PCDHB6: variants seen among roughly 807,000 people sequenced by gnomAD.
PCDHB6 encodes the protein protocadherin beta 6.
For synonymous variants in PCDHB6, 506 were observed against 459.0 expected, an observed-to-expected ratio of 1.10 and a Z score of -1.31; for missense variants, 1,137 against 1,010.1, an observed-to-expected ratio of 1.13 and a Z score of -1.70.
Position 141,151,025 on chromosome 5 carries a change from C to T in PCDHB6, c.768C>T (p.Leu256=). The part of the protein sequence containing the change: ...YEAQVPENNP[L]GSLVITVSAR... ...CACAAGTCCCTGAGAACAACCCCCT[C>T]GGCTCTCTGGTTATTACCGTCTCAG... Residue 256 remains leucine (L), a synonymous_variant, in exon 1 of 1, where the codon CTC becomes CTT. Transcript: ENST00000231136. The T allele has an allele frequency of 6.2e-7, 1 of 1,614,192 alleles. No individual in the cohort carries two copies. The highest frequency in any genetic ancestry group is 2.2e-5 in the East Asian group (1 of 44,884).
Position 141,151,699 on chromosome 5 carries a change from A to G in PCDHB6, c.1442A>G (p.Asn481Ser), listed in dbSNP as rs782440656. Residue 481 changes from asparagine (N) to serine (S), a missense_variant, in exon 1 of 1, where the codon AAC becomes AGC. Transcript: ENST00000231136. ...VSATDRDSGI[N>S]AQVTYSLLPP... is the part of the protein sequence containing the mutation. ...GCCACAGACAGAGACTCAGGCATCA[A>G]CGCCCAGGTCACCTACTCGCTGCTG... 2 of 1,613,140 alleles carry G rather than the reference A, an allele frequency of 1.2e-6. No homozygotes were observed. The highest frequency in any genetic ancestry group is 1.7e-6 in the Non-Finnish European group (2 of 1,180,012).
In PCDHB6 at chr5:141,150,094, T is replaced by A. The variant is rs1290657368; in HGVS notation, c.-164T>A. On this transcript the variant is annotated 5_prime_UTR_variant, in exon 1 of 1. Transcript: ENST00000231136. Reference sequence around the variant, plus strand: ...AGCCAAGTAAAAATACAGACCACGTTTACAGCTAAAGCTGAGATAGATGTG... The same window carrying A: ...AGCCAAGTAAAAATACAGACCACGTATACAGCTAAAGCTGAGATAGATGTG... The A allele has an allele frequency of 1.7e-6, 1 of 603,122 alleles. No homozygotes were observed. The highest frequency in any genetic ancestry group is 2.9e-6 in the Non-Finnish European group (1 of 346,252). 37.4% of individuals were successfully genotyped at this position (603,122 alleles called of 1,614,324 possible). A position where few individuals can be genotyped will look rare whatever the true frequency, so the allele number is the denominator to read the frequency against.
Position 141,150,887 on chromosome 5 carries a change from G to T in PCDHB6, c.630G>T (p.Thr210=), listed in dbSNP as rs374432994. 6.2e-7 allele frequency: 1 copy of T among 1,614,192 alleles called. No individual in the cohort carries two copies. Among genetic ancestry groups the T allele is most frequent in the Non-Finnish European group, 8.5e-7 (1 of 1,180,042 alleles). Residue 210 remains threonine (T), a synonymous_variant, in exon 1 of 1, where the codon ACG becomes ACT. Coordinates refer to ENST00000231136, the MANE Select transcript of PCDHB6 (RefSeq NM_018939.4). ...DREEQPQLRL[T]LIALDGGSPP... is the part of the protein sequence containing the mutation. ...AGGAGCAGCCCCAACTCAGGCTAAC[G>T]CTGATCGCGCTGGATGGCGGGTCTC...
Position 141,152,903 on chromosome 5 carries a change from C to CG in PCDHB6, c.*261_*262insG, listed in dbSNP as rs1563895391. Reference sequence around the variant, plus strand: ...AAATTAAATTATCTATTCTTCCCCCCCCCAAAAAAAAGTATTGTAAATCCT... The same window carrying CG: ...AAATTAAATTATCTATTCTTCCCCCCGCCCAAAAAAAAGTATTGTAAATCCT... On this transcript the variant is annotated 3_prime_UTR_variant, in exon 1 of 1. Coordinates refer to ENST00000231136, the MANE Select transcript of PCDHB6 (RefSeq NM_018939.4). The CG allele has an allele frequency of 4.1e-6, 1 of 243,724 alleles. No individual in the cohort carries two copies. Among genetic ancestry groups the CG allele is most frequent in the Non-Finnish European group, 8.2e-6 (1 of 122,008 alleles). The allele number at this position is 243,724 out of a possible 1,614,324, so 15.1% of individuals were successfully genotyped here.
At position 141,150,475 on chromosome 5, in the gene PCDHB6, A is replaced by G. The variant is rs1554277418; in HGVS notation, c.218A>G (p.His73Arg). 6.2e-7 allele frequency: 1 copy of G among 1,614,128 alleles called. No homozygotes were observed. Among genetic ancestry groups the G allele is most frequent in the African/African-American group, 1.3e-5 (1 of 75,042 alleles). Reference protein sequence around the residue: ...ARVVFKGNRQHLQFDPQTHDL... With the variant: ...ARVVFKGNRQRLQFDPQTHDL... ...GTTGTTTTCAAAGGGAACAGACAAC[A>G]TTTGCAGTTTGATCCACAGACCCAT... Residue 73 changes from histidine (H) to arginine (R), a missense_variant, in exon 1 of 1, where the codon CAT becomes CGT. His to Arg is a conservative substitution (Grantham distance 29). Coordinates refer to ENST00000231136, the MANE Select transcript of PCDHB6 (RefSeq NM_018939.4).
Position 141,152,112 on chromosome 5 carries a change from A to C in PCDHB6, c.1855A>C (p.Asn619His). The change falls in exon 1 of 1, where the codon AAT becomes CAT. Residue 619 changes from asparagine (N) to histidine (H), a missense_variant. Transcript: ENST00000231136. Reference sequence around the variant, plus strand: ...CGGTCTGTTCGGCGTGTGGGCGCACAATGGCGAGGTGCGCACCGCCAGGCT... The same window carrying C: ...CGGTCTGTTCGGCGTGTGGGCGCACCATGGCGAGGTGCGCACCGCCAGGCT... ...ELGLFGVWAH[N>H]GEVRTARLLS... 6.2e-7 allele frequency: 1 copy of C among 1,607,076 alleles called. No individual in the cohort carries two copies. The highest frequency in any genetic ancestry group is 2.2e-5 in the East Asian group (1 of 44,836).
Position 141,152,233 on chromosome 5 carries a change from T to C in PCDHB6, c.1976T>C (p.Leu659Pro), listed in dbSNP as rs781981564. 1 of 1,607,292 alleles carries C rather than the reference T, an allele frequency of 6.2e-7. No individual in the cohort carries two copies. The highest frequency in any genetic ancestry group is 1.1e-5 in the South Asian group (1 of 90,980). ...TCGGCCACCGCCACGCTGCACGTGC[T>C]CCTGGTGGACGGCTTCTCCCAGCCC... ...PRSATATLHVLLVDGFSQPYL... is the reference protein window; with the variant it reads ...PRSATATLHVPLVDGFSQPYL... The change falls in exon 1 of 1, where the codon CTC (leucine) becomes CCC (proline). Residue 659 changes from leucine (L) to proline (P), a missense_variant. Physicochemically the swap from Leu to Pro is moderately conservative, Grantham distance 98. Coordinates refer to ENST00000231136, the MANE Select transcript of PCDHB6 (RefSeq NM_018939.4).
Position 141,152,286 on chromosome 5 carries a change from G to A in PCDHB6, c.2029G>A (p.Ala677Thr). The part of the protein sequence containing the change: ...PYLPLPEAAP[A>T]QAQADSLTVY... ...CCTGCCTCTCCCTGAGGCGGCCCCG[G>A]CCCAAGCCCAGGCCGACTCTCTCAC... The change falls in exon 1 of 1, where the codon GCC becomes ACC. Residue 677 changes from alanine to threonine, a missense_variant. Ala to Thr is a moderately conservative substitution (Grantham distance 58, BLOSUM62 0). Transcript: ENST00000231136. The A allele has an allele frequency of 6.2e-7, 1 of 1,608,374 alleles. No individual in the cohort carries two copies. Among genetic ancestry groups the A allele is most frequent in the Non-Finnish European group, 8.5e-7 (1 of 1,179,806 alleles).
Position 141,151,284 on chromosome 5 carries a change from C to T in PCDHB6, c.1027C>T (p.Pro343Ser), listed in dbSNP as rs577177839. Residue 343 changes from proline to serine, a missense_variant, in exon 1 of 1, where the codon CCT (proline) becomes TCT (serine). Pro to Ser is a moderately conservative substitution (Grantham distance 74, BLOSUM62 -1). Coordinates refer to ENST00000231136, the MANE Select transcript of PCDHB6 (RefSeq NM_018939.4). ...VRVLDVNDNA[P>S]ELTMSFFISL... Reference sequence around the variant, plus strand: ...GGTCCTGGACGTGAATGACAATGCCCCTGAACTCACCATGTCGTTCTTCAT... The same window carrying T: ...GGTCCTGGACGTGAATGACAATGCCTCTGAACTCACCATGTCGTTCTTCAT... 2.5e-4 allele frequency: 405 copies of T among 1,614,098 alleles called. 2 individuals carry two copies. The South Asian group carries it at 4.1e-3, about 16-fold the overall frequency.
Position 141,152,788 on chromosome 5 carries a change from G to C in PCDHB6, c.*146G>C, listed in dbSNP as rs782485280. 7 of 691,552 alleles carry C rather than the reference G, an allele frequency of 1.0e-5. No individual in the cohort carries two copies. The highest frequency in any genetic ancestry group is 1.6e-5 in the Non-Finnish European group (7 of 438,668). 42.8% of individuals were successfully genotyped at this position (691,552 alleles called of 1,614,324 possible). A position where few individuals can be genotyped will look rare whatever the true frequency, so the allele number is the denominator to read the frequency against. On this transcript the variant is annotated 3_prime_UTR_variant, in exon 1 of 1. Transcript: ENST00000231136. ...AGATACTGGTATCTTAGTATTTCCTGTTCATGCTTAGTAGTTTATTACTTC... is the reference window on the plus strand; with the variant it reads ...AGATACTGGTATCTTAGTATTTCCTCTTCATGCTTAGTAGTTTATTACTTC...
chr5:141,152,512 G>A lies in PCDHB6; in HGVS notation c.2255G>A (p.Cys752Tyr). 6.2e-7 allele frequency: 1 copy of A among 1,614,128 alleles called. No homozygotes were observed. Among genetic ancestry groups the A allele is most frequent in the Non-Finnish European group, 8.5e-7 (1 of 1,180,042 alleles). The change falls in exon 1 of 1, where the codon TGT becomes TAT. Residue 752 changes from cysteine (C) to tyrosine (Y), a missense_variant. Coordinates refer to ENST00000231136, the MANE Select transcript of PCDHB6 (RefSeq NM_018939.4). ...TLSQSYQYKV[C>Y]LTGGSETNEF... Reference sequence around the variant, plus strand: ...TCCCAGAGCTACCAGTACAAGGTGTGTCTGACGGGAGGCTCAGAAACAAAT... The same window carrying A: ...TCCCAGAGCTACCAGTACAAGGTGTATCTGACGGGAGGCTCAGAAACAAAT...
In PCDHB6 at chr5:141,151,724, G is replaced by C; in HGVS notation, c.1467G>C (p.Leu489=). The C allele has an allele frequency of 6.2e-7, 1 of 1,613,142 alleles. No homozygotes were observed. Among genetic ancestry groups the C allele is most frequent in the Non-Finnish European group, 8.5e-7 (1 of 1,180,046 alleles). The stretch of plus-strand genomic sequence containing the variant: ...ACGCCCAGGTCACCTACTCGCTGCT[G>C]CCGCCCCAGGACCCGCACCTGCCCC... ...GINAQVTYSL[L]PPQDPHLPLS... The change falls in exon 1 of 1, where the codon CTG becomes CTC. Residue 489 remains leucine (L), a synonymous_variant. Coordinates refer to ENST00000231136, the MANE Select transcript of PCDHB6 (RefSeq NM_018939.4).
rs782287939 is a variant in PCDHB6 at position 141,150,273 on chromosome 5, G to A, written c.16G>A (p.Val6Ile). 10 of 1,612,166 alleles carry A rather than the reference G, an allele frequency of 6.2e-6. No individual in the cohort carries two copies. Among genetic ancestry groups the A allele is most frequent in the African/African-American group, 1.3e-5 (1 of 74,932 alleles). The change falls in exon 1 of 1, where the codon GTA becomes ATA. Residue 6 changes from valine (V) to isoleucine (I), a missense_variant. Transcript: ENST00000231136. ...CATAATAGACATGATGCAAACTAAA[G>A]TACAGAACAAGAAAAGGCAAGTGGC... MMQTK[V>I]QNKKRQVAFF...
Position 141,152,203 on chromosome 5 carries a change from C to T in PCDHB6, c.1946C>T (p.Pro649Leu). Residue 649 changes from proline to leucine, a missense_variant, in exon 1 of 1, where the codon CCG becomes CTG. By Grantham distance (98) the Pro-to-Leu change is moderately conservative. Coordinates refer to ENST00000231136, the MANE Select transcript of PCDHB6 (RefSeq NM_018939.4). ...VVLVKDNGEPPRSATATLHVL... is the reference protein window; with the variant it reads ...VVLVKDNGEPLRSATATLHVL... Reference sequence around the variant, plus strand: ...CTTGTCAAGGACAATGGCGAGCCTCCGCGCTCGGCCACCGCCACGCTGCAC... The same window carrying T: ...CTTGTCAAGGACAATGGCGAGCCTCTGCGCTCGGCCACCGCCACGCTGCAC... 1 of 1,606,924 alleles carries T rather than the reference C, an allele frequency of 6.2e-7. No individual in the cohort carries two copies. Among genetic ancestry groups the T allele is most frequent in the Non-Finnish European group, 8.5e-7 (1 of 1,179,722 alleles).
rs781795141 is a variant in PCDHB6 at position 141,151,312 on chromosome 5, G to A, written c.1055G>A (p.Ser352Asn). ...APELTMSFFI[S>N]LIPENLPEIT... ...GAACTCACCATGTCGTTCTTCATCAGCCTCATCCCAGAAAACTTACCAGAG... is the reference window on the plus strand; with the variant it reads ...GAACTCACCATGTCGTTCTTCATCAACCTCATCCCAGAAAACTTACCAGAG... The change falls in exon 1 of 1, where the codon AGC (serine) becomes AAC (asparagine). Residue 352 changes from serine to asparagine, a missense_variant. Coordinates refer to ENST00000231136, the MANE Select transcript of PCDHB6 (RefSeq NM_018939.4). 1.2e-6 allele frequency: 2 copies of A among 1,613,990 alleles called. No homozygotes were observed. The highest frequency in any genetic ancestry group is 2.7e-5 in the African/African-American group (2 of 74,906).
At position 141,152,350 on chromosome 5, in the gene PCDHB6, T is replaced by C; in HGVS notation, c.2093T>C (p.Leu698Pro). The change falls in exon 1 of 1, where the codon CTC (leucine) becomes CCC (proline). Residue 698 changes from leucine (L) to proline (P), a missense_variant. Transcript: ENST00000231136. Reference protein sequence around the residue: ...LVVALASVSSLFLFSVLLFVA... With the variant: ...LVVALASVSSPFLFSVLLFVA... ...GTGGCGTTGGCCTCGGTGTCGTCGC[T>C]CTTCCTCTTTTCGGTGCTCCTGTTC... 1 of 1,610,414 alleles carries C rather than the reference T, an allele frequency of 6.2e-7. No individual in the cohort carries two copies. The highest frequency in any genetic ancestry group is 1.1e-5 in the South Asian group (1 of 91,018).
chr5:141,153,264 T>C lies in PCDHB6; in HGVS notation c.*622T>C, dbSNP rs1752933417. The C allele has an allele frequency of 6.1e-6, 1 of 164,900 alleles. No individual in the cohort carries two copies. Among genetic ancestry groups the C allele is most frequent in the Non-Finnish European group, 1.5e-5 (1 of 68,106 alleles). 10.2% of individuals were successfully genotyped at this position (164,900 alleles called of 1,614,324 possible). On this transcript the variant is annotated 3_prime_UTR_variant, in exon 1 of 1. Transcript: ENST00000231136. ...AGTCGTGCCAATTATAAGTGCTTAATAAATATTTGCTGAATGTTACTAACA... is the reference window on the plus strand; with the variant it reads ...AGTCGTGCCAATTATAAGTGCTTAACAAATATTTGCTGAATGTTACTAACA...
At position 141,151,572 on chromosome 5, in the gene PCDHB6, G is replaced by C; in HGVS notation, c.1315G>C (p.Val439Leu). The change falls in exon 1 of 1, where the codon GTC (valine) becomes CTC (leucine). Residue 439 changes from valine to leucine, a missense_variant. Val to Leu is a conservative substitution (Grantham distance 32). Coordinates refer to ENST00000231136, the MANE Select transcript of PCDHB6 (RefSeq NM_018939.4). ...LKTQQSITVQ[V>L]SDVNDNAPAF... is the part of the protein sequence containing the mutation. ...AACCCAGCAGAGCATAACTGTGCAG[G>C]TCTCCGACGTCAATGACAACGCCCC... is the stretch of plus-strand genomic sequence containing the variant. The C allele has an allele frequency of 6.2e-7, 1 of 1,614,042 alleles. No individual in the cohort carries two copies. Among genetic ancestry groups the C allele is most frequent in the South Asian group, 1.1e-5 (1 of 91,070 alleles).
Position 141,151,992 on chromosome 5 carries a change from G to T in PCDHB6, c.1735G>T (p.Glu579Ter), listed in dbSNP as rs781817379. Residue 579 changes from glutamate to a stop codon, truncating the protein, a stop_gained, in exon 1 of 1, where the codon GAG (glutamate) becomes TAG (stop). Transcript: ENST00000231136. LOFTEE classifies it low-confidence loss of function (END_TRUNC). Reference protein sequence around the residue: ...PCTELVPRAAEPGYLVTKVVA... With the variant: ...PCTELVPRAA ...CACCGAGCTGGTGCCCCGGGCGGCC[G>T]AGCCGGGCTACCTGGTGACCAAGGT... 6.2e-7 allele frequency: 1 copy of T among 1,609,624 alleles called. No homozygotes were observed. The highest frequency in any genetic ancestry group is 1.3e-5 in the African/African-American group (1 of 74,896).
Sources: allele counts gnomAD v4.1 joint callset, GRCh38; gene constraint gnomAD v4.1.1; transcripts MANE v1.5; gene names NCBI Gene and HGNC (gene_info 2026-07-23, HGNC 2026-07-21).